The following ANKRD36B variants were observed in gnomAD, a reference collection of about 807,000 sequenced individuals.
ANKRD36B encodes ankyrin repeat domain 36B, also known as ankyrin repeat domain-containing protein 36B.
ANKRD36B carries 37 observed loss-of-function variants against 135.7 expected under a neutral mutation model. The ratio of observed to expected loss-of-function variants is 0.27; its 90% CI spans 0.21 to 0.36. The LOEUF is 0.36. ANKRD36B is among the 10% of genes least tolerant of loss of function. ANKRD36B has a pLI of 1.00. For missense variants in ANKRD36B, 549 were observed against 1,037.1 expected (o/e 0.53, Z 6.46); for synonymous variants, 179 against 348.1 (o/e 0.51, Z 5.41).
intron 43 of ANKRD36B, among the ~76,000 whole-genome samples, chr2:97,496,833 G>GTGTATATA (rs373304719): frequency 6.4e-5 from 4 of 62,086 alleles, no homozygotes; most frequent in African/African-American, 3.5e-4. Flanking sequence ...ATATGTGTGT[G>GTGTATATA]TATATATATA....
chr2:97,525,857 G>A lies in ANKRD36B; in HGVS notation c.2266-2390C>T, dbSNP rs1454378338. Among the ~76,000 whole-genome samples the A allele has an allele frequency of 4.1e-5, 4 of 97,972 alleles. 1 individual carries two copies. Among genetic ancestry groups the A allele is most frequent in the Admixed American group, 8.9e-5 (1 of 11,196 alleles). 64.3% of individuals were successfully genotyped at this position (97,972 alleles called of 152,430 possible). A position where few individuals can be genotyped will look rare whatever the true frequency, so the allele number is the denominator to read the frequency against. On this transcript the variant is annotated intron_variant, in intron 35 of 43. Transcript: ENST00000359901. Reference sequence around the variant, plus strand: ...GCAGCAGTGAGGCTGGGGGAGGGGCGCCTGCCATTGCCCAGGCTTGCTTAG... The same window carrying A: ...GCAGCAGTGAGGCTGGGGGAGGGGCACCTGCCATTGCCCAGGCTTGCTTAG...
At chr2:97,534,707 A>G (rs2078769937) in intron 34 of ANKRD36B, among the ~76,000 whole-genome samples, 1 of 97,286 alleles carries the variant, frequency 1.0e-5, no homozygotes, top group South Asian at 2.4e-4. Flanking sequence ...TGGAGAAAGC[A>G]GAACCCTCGT....
At position 97,540,671 on chromosome 2, in the gene ANKRD36B, G is replaced by A. The variant is rs1205393423; in HGVS notation, c.1886-442C>T. Among the ~76,000 whole-genome samples the A allele has an allele frequency of 8.4e-5, 8 of 95,684 alleles. 2 individuals carry two copies. The highest frequency in any genetic ancestry group is 4.7e-4 in the East Asian group (2 of 4,242). 62.8% of individuals were successfully genotyped at this position (95,684 alleles called of 152,430 possible). On this transcript the variant is annotated intron_variant, in intron 28 of 43. Coordinates refer to ENST00000359901, the MANE Select transcript of ANKRD36B (RefSeq NM_001393939.1). ...ATTCATCATGCTCTTTAACTTGCCC[G>A]ATAACAGAGAAGGTACACAATTACA...
Position 97,565,864 on chromosome 2 carries a change from G to GGT in ANKRD36B, c.764-5006_764-5005dup, listed in dbSNP as rs869177777. 7.8e-3 allele frequency among the ~76,000 whole-genome samples: 1,149 copies of GGT among 147,190 alleles called. 11 individuals carry two copies. The highest frequency in any genetic ancestry group is 0.017 in the Admixed American group (253 of 14,788). ...ATCTCATTACTGGGCATATACTCGG[G>GGT]GTGTGTGTGTGTGTGTGTGTGTGTG... is the stretch of plus-strand genomic sequence containing the variant. On this transcript the variant is annotated intron_variant, in intron 6 of 43. Transcript: ENST00000359901.
intron 3 of ANKRD36B, among the ~76,000 whole-genome samples, chr2:97,582,374 T>G (rs2082687388): frequency 6.6e-6 from 1 of 151,652 alleles, no homozygotes; most frequent in Non-Finnish European, 1.5e-5. Flanking sequence ...TTGAAATATT[T>G]ACTAAAATAT....
In ANKRD36B at chr2:97,553,228, C is replaced by T. The variant is rs770609077; in HGVS notation, c.1213G>A (p.Glu405Lys). Residue 405 changes from glutamate to lysine, a missense_variant, in exon 16 of 44, where the codon GAG becomes AAG. Transcript: ENST00000359901. ...GCTATATTAGAAACAGAACCTTCCT[C>T]GTCAGTTGTAGCCTGAATGGAATTT... ...KQQALKATTD[E>K]EGSVSNIATE... 1.3e-5 allele frequency: 21 copies of T among 1,610,434 alleles called. No homozygotes were observed. The highest frequency in any genetic ancestry group is 1.4e-5 in the Non-Finnish European group (16 of 1,178,676).
intron 3 of ANKRD36B, 63 bp from the exon 4 acceptor site, chr2:97,580,631 C>A (rs575325035): frequency 1.4e-6 from 2 of 1,441,134 alleles, no homozygotes; most frequent in Admixed American, 2.2e-5. Context: ...GAAATGAAAA[C>A]CTTATGTAAG....
At chr2:97,549,322 A>T (rs2079807455) in intron 20 of ANKRD36B, 97 bp downstream of exon 20, 1 of 1,382,436 alleles carries the variant, frequency 7.2e-7, no homozygotes, top group Non-Finnish European at 9.8e-7. Flanking sequence ...TGAATCAGAA[A>T]GTGCAGCTTC....
chr2:97,579,074 T>C lies in ANKRD36B; in HGVS notation c.558-31A>G, dbSNP rs546615361. On this transcript the variant is annotated intron_variant, in intron 4 of 43. Transcript: ENST00000359901. The stretch of plus-strand genomic sequence containing the variant: ...ATAACAGAGAGGTAATTAAAAACTT[T>C]AATGACATTTTAAAAGCTAAGTTTA... 28 of 1,559,242 alleles carry C rather than the reference T, an allele frequency of 1.8e-5. 1 individual carries two copies. The African/African-American group carries it at 3.1e-4, about 17-fold the overall frequency.
chr2:97,548,267 A>T (rs1347300079), intron 20 of ANKRD36B, among the ~76,000 whole-genome samples: 1 of 151,824 alleles, frequency 6.6e-6, no homozygotes, highest in African/African-American at 2.4e-5. Flanking sequence ...CACCTTGGAC[A>T]CCTGTTTGCT....
intron 16 of ANKRD36B, among the ~76,000 whole-genome samples, chr2:97,552,015 A>G (rs1462860545): frequency 1.3e-5 from 2 of 151,968 alleles, no homozygotes; most frequent in African/African-American, 4.8e-5. Context: ...ATCACCTTGG[A>G]TATCTGGTTG....
At chr2:97,575,804 T>A (rs1257845272) in intron 6 of ANKRD36B, among the ~76,000 whole-genome samples, 1 of 152,086 alleles carries the variant, frequency 6.6e-6, no homozygotes, top group Non-Finnish European at 1.5e-5. Context: ...TTACACTAGA[T>A]TGATAGTAGT....
chr2:97,568,528 T>TATGTAAGGTGA (rs2104854627), intron 6 of ANKRD36B, among the ~76,000 whole-genome samples: 1 of 152,290 alleles, frequency 6.6e-6, no homozygotes, highest in South Asian at 2.1e-4. Flanking sequence ...TCATTCACCC[T>TATGTAAGGTGA]ATGTAAGGTA....
At chr2:97,577,886 G>C (rs1255002506) in intron 5 of ANKRD36B, among the ~76,000 whole-genome samples, 1 of 151,886 alleles carries the variant, frequency 6.6e-6, no homozygotes, top group African/African-American at 2.4e-5. Context: ...TCCACTACCT[G>C]AGAAAAGCTC....
chr2:97,554,316 G>C (rs2080305016), intron 14 of ANKRD36B, among the ~76,000 whole-genome samples: 1 of 151,862 alleles, frequency 6.6e-6, no homozygotes, highest in African/African-American at 2.4e-5. Context: ...GATGAAAGAA[G>C]CCAATGTATT....
intron 6 of ANKRD36B, among the ~76,000 whole-genome samples, chr2:97,573,867 C>T (rs2082052626): frequency 6.6e-6 from 1 of 152,196 alleles, no homozygotes; most frequent in Non-Finnish European, 1.5e-5. Context: ...CCCTTCCTTA[C>T]ATCTTATACA....
At chr2:97,586,893 G>T (rs867809367) in intron 1 of ANKRD36B, among the ~76,000 whole-genome samples, 14 of 152,230 alleles carry the variant, frequency 9.2e-5, no homozygotes, top group Middle Eastern at 6.8e-3. Flanking sequence ...TAAAAATAAG[G>T]CCAGGCACAG....
chr2:97,586,181 T>C (rs942672001), intron 1 of ANKRD36B, among the ~76,000 whole-genome samples: 3 of 152,014 alleles, frequency 2.0e-5, no homozygotes, highest in Non-Finnish European at 4.4e-5. Flanking sequence ...AACAAATTTT[T>C]AAAACAAAGT....
intron 32 of ANKRD36B, among the ~76,000 whole-genome samples, chr2:97,537,414 G>GA (rs2078943948): frequency 1.0e-5 from 1 of 96,120 alleles, no homozygotes; most frequent in Middle Eastern, 5.3e-3. Flanking sequence ...CAGCACTTTG[G>GA]AAAAAACTAA....
Sources: allele counts gnomAD v4.1 joint callset (sites outside exome capture counted in the v4.1 genomes callset), GRCh38; gene constraint gnomAD v4.1.1; transcripts MANE v1.5; gene names NCBI Gene and HGNC (gene_info 2026-07-23, HGNC 2026-07-21).